The following PRKAR1B variants were observed in gnomAD, a reference collection of about 807,000 sequenced individuals.
PRKAR1B encodes protein kinase cAMP-dependent type I regulatory subunit beta.
PRKAR1B carries 22 observed loss-of-function variants against 46.5 expected under a neutral mutation model. The observed-to-expected ratio is 0.47, with a 90% CI of 0.34 to 0.68. The LOEUF (loss-of-function observed/expected upper bound fraction) is 0.68, where lower values mean the gene tolerates loss of function less well. Among genes scored for constraint, PRKAR1B ranks in the 30% least tolerant of loss-of-function variants. The pLI, the probability that PRKAR1B is intolerant of heterozygous loss-of-function variation, is 0.01. For synonymous variants in PRKAR1B, 259 were observed against 217.7 expected (o/e 1.19, Z -1.67); for missense variants, 445 against 535.6 (o/e 0.83, Z 1.67).
chr7:585,877 C>G (rs1015141564), intron 7 of PRKAR1B, among the ~76,000 whole-genome samples: 3 of 151,814 alleles, frequency 2.0e-5, no homozygotes, highest in Non-Finnish European at 4.4e-5. Context: ...TATTTTACCC[C>G]TTCCTGACAT....
chr7:657,424 A>G (rs1415540127), intron 4 of PRKAR1B, among the ~76,000 whole-genome samples: 10 of 150,324 alleles, frequency 6.7e-5, no homozygotes, highest in Non-Finnish European at 1.3e-4. Flanking sequence ...TGGATGAATG[A>G]ATGAATGGGT....
At chr7:601,701 G>A (rs900548099) in intron 6 of PRKAR1B, among the ~76,000 whole-genome samples, 17 of 152,332 alleles carry the variant, frequency 1.1e-4, no homozygotes, top group African/African-American at 2.9e-4. Flanking sequence ...CTTGGTGTTC[G>A]TGCACAGCCG....
intron 7 of PRKAR1B, among the ~76,000 whole-genome samples, chr7:589,181 C>T (rs1470011370): frequency 1.3e-5 from 2 of 151,588 alleles, no homozygotes; most frequent in Non-Finnish European, 2.9e-5. Context: ...CTTGTCCCCT[C>T]TGGTCTTCGG....
intron 4 of PRKAR1B, among the ~76,000 whole-genome samples, chr7:675,403 G>A (rs909845431): frequency 6.6e-6 from 1 of 152,208 alleles, no homozygotes; most frequent in African/African-American, 2.4e-5. Flanking sequence ...CCCTCCGGGA[G>A]GGGGAGAAAA....
intron 1 of PRKAR1B, among the ~76,000 whole-genome samples, chr7:718,363 CCT>C (rs1491303077): frequency 1.4e-5 from 2 of 142,566 alleles, no homozygotes; most frequent in Non-Finnish European, 3.1e-5. Flanking sequence ...CCTGCTTCAG[CCT>C]TTTTTTTTTT....
intron 7 of PRKAR1B, among the ~76,000 whole-genome samples, chr7:590,905 G>A (rs963323391): frequency 2.0e-5 from 3 of 152,168 alleles, no homozygotes; most frequent in African/African-American, 7.2e-5. Flanking sequence ...AGAAAGTGCC[G>A]CGTGTCTGCC....
intron 7 of PRKAR1B, among the ~76,000 whole-genome samples, chr7:590,354 C>T (rs528887334): frequency 6.6e-6 from 1 of 152,364 alleles, no homozygotes; most frequent in Admixed American, 6.5e-5. Context: ...TGGCTGCAGG[C>T]CTGGTGGGCA....
intron 4 of PRKAR1B, among the ~76,000 whole-genome samples, chr7:663,996 C>T (rs1785764798): frequency 6.6e-6 from 1 of 152,180 alleles, no homozygotes; most frequent in Non-Finnish European, 1.5e-5. Flanking sequence ...AGGGTCCCCC[C>T]CGACAAGTGG....
chr7:653,939 A>C (rs189295761), intron 4 of PRKAR1B, among the ~76,000 whole-genome samples: 25 of 150,814 alleles, frequency 1.7e-4, no homozygotes, highest in Non-Finnish European at 2.1e-4. Context: ...CACTATCTTC[A>C]TCTCCATCAC....
chr7:583,879 C>T (rs1428475647), intron 8 of PRKAR1B, among the ~76,000 whole-genome samples: 1 of 152,250 alleles, frequency 6.6e-6, no homozygotes, highest in African/African-American at 2.4e-5. Flanking sequence ...TCTGCCTGCT[C>T]TAGCCCAAGG....
chr7:673,086 A>G lies in PRKAR1B; in HGVS notation c.440+4143T>C, dbSNP rs1387161589. 2.2e-5 allele frequency among the ~76,000 whole-genome samples: 3 copies of G among 137,758 alleles called. No individual in the cohort carries two copies. In the Admixed American group the frequency reaches 2.3e-4, roughly 10 times the overall value. 90.4% of individuals were successfully genotyped at this position (137,758 alleles called of 152,430 possible). On this transcript the variant is annotated intron_variant, in intron 4 of 10. Transcript: ENST00000537384. ...AAAAAAAAAAAAAAAAAACACACAC[A>G]CACAGAATGGACAGCTGGTCTGTGT...
At chr7:658,393 C>A (rs1420333927) in intron 4 of PRKAR1B, among the ~76,000 whole-genome samples, 5 of 152,100 alleles carry the variant, frequency 3.3e-5, no homozygotes. Context: ...TATGACTGCA[C>A]CACTGTGCTC....
chr7:580,938 G>C (rs1780146602), intron 8 of PRKAR1B, among the ~76,000 whole-genome samples: 1 of 152,114 alleles, frequency 6.6e-6, no homozygotes, highest in Non-Finnish European at 1.5e-5. Flanking sequence ...CCAGGGCCGG[G>C]CAGATTCTGC....
intron 2 of PRKAR1B, among the ~76,000 whole-genome samples, chr7:706,811 G>A (rs1036463513): frequency 3.3e-5 from 5 of 152,152 alleles, no homozygotes; most frequent in African/African-American, 7.2e-5. Flanking sequence ...CAGCCCGGAC[G>A]GCACTCCAAG....
chr7:562,193 G>A (rs1778846059), intron 9 of PRKAR1B, among the ~76,000 whole-genome samples: 1 of 152,070 alleles, frequency 6.6e-6, no homozygotes, highest in South Asian at 2.1e-4. Flanking sequence ...GCAGGTTCCG[G>A]GGAACCAGGG....
In PRKAR1B at chr7:667,867, T is replaced by C. The variant is rs1242723018; in HGVS notation, c.440+9362A>G. ...TCAAGGCCAACTAGCAATACCACCA[T>C]CCTAGAAGGACAGGCAGGCGGTCTG... is the stretch of plus-strand genomic sequence containing the variant. On this transcript the variant is annotated intron_variant, in intron 4 of 10. Transcript: ENST00000537384. This position sits in a 1 kb window ranked among gnomAD's most constrained non-coding sequence, Gnocchi z 4.3. 1.3e-5 allele frequency among the ~76,000 whole-genome samples: 2 copies of C among 152,160 alleles called. No homozygotes were observed. The highest frequency in any genetic ancestry group is 1.9e-4 in the East Asian group (1 of 5,198).
chr7:630,376 C>T (rs997191493), intron 4 of PRKAR1B, among the ~76,000 whole-genome samples: 2 of 152,198 alleles, frequency 1.3e-5, no homozygotes, highest in Admixed American at 1.3e-4. Context: ...GCCCAAACTG[C>T]GCCTGTGCTG....
At chr7:683,078 G>A (rs1169699854) in intron 2 of PRKAR1B, among the ~76,000 whole-genome samples, 1 of 152,226 alleles carries the variant, frequency 6.6e-6, no homozygotes, top group African/African-American at 2.4e-5. Flanking sequence ...AGGAGGTGGA[G>A]GAGGAATTCA....
intron 4 of PRKAR1B, among the ~76,000 whole-genome samples, chr7:657,420 A>ATGGATGG (rs1562593821): frequency 7.5e-5 from 9 of 120,246 alleles, no homozygotes; most frequent in Non-Finnish European, 1.5e-4. Flanking sequence ...TGGATGGATG[A>ATGGATGG]ATGAATGAAT....
Sources: allele counts gnomAD v4.1 joint callset (sites outside exome capture counted in the v4.1 genomes callset), GRCh38; gene constraint gnomAD v4.1.1; non-coding constraint Gnocchi (gnomAD v3.1); transcripts MANE v1.5; gene names NCBI Gene and HGNC (gene_info 2026-07-23, HGNC 2026-07-21).